UBE3D: variants seen among roughly 807,000 people sequenced by gnomAD.
The protein encoded by UBE3D is ubiquitin protein ligase E3D.
Under a neutral mutation model 49.6 loss-of-function variants are expected in UBE3D, and 48 were observed. The ratio of observed to expected loss-of-function variants is 0.97; its 90% CI spans 0.77 to 1.23. The LOEUF (loss-of-function observed/expected upper bound fraction) is 1.23, where lower values mean the gene tolerates loss of function less well. Ranked by LOEUF, UBE3D falls within the 50% of genes most tolerant of loss-of-function variation. The pLI, the probability that UBE3D is intolerant of heterozygous loss-of-function variation, is 0.00. For missense variants in UBE3D, 452 were observed against 468.4 expected, an observed-to-expected ratio of 0.96 and a Z score of 0.32; for synonymous variants, 189 against 174.2, an observed-to-expected ratio of 1.08 and a Z score of -0.67.
At chr6:82,927,500 C>A (rs981796064) in intron 9 of UBE3D, among the ~76,000 whole-genome samples, 5 of 152,056 alleles carry the variant, frequency 3.3e-5, no homozygotes, top group Non-Finnish European at 7.4e-5. Flanking sequence ...TTTCCATGAA[C>A]ACGGAATATC....
intron 5 of UBE3D, chr6:83,032,458 C>T: frequency 5.7e-6 from 2 of 350,688 alleles, no homozygotes; most frequent in African/African-American, 2.1e-5. Context: ...ATGCCTGTAC[C>T]CCCATTGTAT....
intron 8 of UBE3D, among the ~76,000 whole-genome samples, chr6:82,998,434 G>C (rs566394160): frequency 6.6e-6 from 1 of 152,270 alleles, no homozygotes; most frequent in South Asian, 2.1e-4. Flanking sequence ...AGACACTAAA[G>C]ATTACGCACC....
Position 82,967,984 on chromosome 6 carries a change from A to G in UBE3D, c.1011-10534T>C, listed in dbSNP as rs547849176. ...AACTGAGTAAATTTCCATGGAATAT[A>G]ATCACAGTTGTTTATCCATTCATCT... On this transcript the variant is annotated intron_variant, in intron 8 of 9. Coordinates refer to ENST00000369747, the MANE Select transcript of UBE3D (RefSeq NM_198920.3). Among the ~76,000 whole-genome samples, 7 of 152,262 alleles carry G rather than the reference A, an allele frequency of 4.6e-5. No individual in the cohort carries two copies. The South Asian group carries it at 1.5e-3, about 32-fold the overall frequency.
At chr6:82,953,544 C>A (rs1023968478) in intron 9 of UBE3D, among the ~76,000 whole-genome samples, 2 of 152,172 alleles carry the variant, frequency 1.3e-5, no homozygotes, top group African/African-American at 4.8e-5. Context: ...CTCTGTGTAA[C>A]CCAGCTCAGT....
At chr6:82,935,920 T>C (rs758732068) in intron 9 of UBE3D, among the ~76,000 whole-genome samples, 3 of 151,066 alleles carry the variant, frequency 2.0e-5, no homozygotes, top group East Asian at 1.9e-4. Flanking sequence ...GGAAGTGAGA[T>C]GCAAGAAAAA....
chr6:83,061,906 A>G (rs1343743854), intron 1 of UBE3D, among the ~76,000 whole-genome samples: 4 of 151,950 alleles, frequency 2.6e-5, no homozygotes, highest in Non-Finnish European at 5.9e-5. Flanking sequence ...ACCCTTTCAT[A>G]CTCACTTTCT....
At chr6:83,027,508 G>GT (rs1236022405) in intron 5 of UBE3D, among the ~76,000 whole-genome samples, 3 of 134,494 alleles carry the variant, frequency 2.2e-5, no homozygotes, top group African/African-American at 8.2e-5. Flanking sequence ...GTTTGTGTTT[G>GT]TCAGAAAACA....
chr6:82,950,898 A>T (rs1264839419), intron 9 of UBE3D, among the ~76,000 whole-genome samples: 1 of 152,132 alleles, frequency 6.6e-6, no homozygotes, highest in East Asian at 1.9e-4. Context: ...TGGGATCTAA[A>T]CATTAAAACA....
chr6:82,889,765 A>T (rs1770948260), downstream of UBE3D, among the ~76,000 whole-genome samples: 4 of 152,052 alleles, frequency 2.6e-5, no homozygotes, highest in South Asian at 8.3e-4. Flanking sequence ...GATGCGGGCA[A>T]GGACTTTGTC....
intron 8 of UBE3D, 133 bp from the exon 9 acceptor site, chr6:82,957,583 A>C: frequency 1.8e-6 from 2 of 1,122,180 alleles, no homozygotes; most frequent in Non-Finnish European, 2.5e-6. Flanking sequence ...CTATATTAAA[A>C]ATTCACAGAG....
intron 8 of UBE3D, among the ~76,000 whole-genome samples, chr6:82,985,934 A>G (rs1461460674): frequency 2.0e-5 from 3 of 152,070 alleles, no homozygotes; most frequent in Non-Finnish European, 2.9e-5. Context: ...ATACATTTTA[A>G]TATTAATATC....
At chr6:82,987,378 T>G (rs1307712298) in intron 8 of UBE3D, among the ~76,000 whole-genome samples, 1 of 152,174 alleles carries the variant, frequency 6.6e-6, no homozygotes, top group Non-Finnish European at 1.5e-5. Flanking sequence ...CTTTTGGATT[T>G]TCTTGATACA....
chr6:83,023,145 A>G (rs1781221504), intron 6 of UBE3D, among the ~76,000 whole-genome samples: 1 of 152,230 alleles, frequency 6.6e-6, no homozygotes, highest in African/African-American at 2.4e-5. Context: ...AAACACTAAT[A>G]GATTTAGTGA....
At chr6:82,940,980 A>C (rs1404220125) in intron 9 of UBE3D, among the ~76,000 whole-genome samples, 1 of 152,186 alleles carries the variant, frequency 6.6e-6, no homozygotes, top group African/African-American at 2.4e-5. Context: ...TGGGAGGCCG[A>C]GGCAGGTGGA....
At chr6:82,951,739 T>C (rs1208778907) in intron 9 of UBE3D, among the ~76,000 whole-genome samples, 1 of 152,176 alleles carries the variant, frequency 6.6e-6, no homozygotes, top group Non-Finnish European at 1.5e-5. Context: ...CTTGATTCAG[T>C]GTGTACCAAG....
At chr6:82,994,036 G>T (rs950422) in intron 8 of UBE3D, among the ~76,000 whole-genome samples, 1 of 151,986 alleles carries the variant, frequency 6.6e-6, no homozygotes, top group Admixed American at 6.6e-5. Flanking sequence ...GAAAAATGAT[G>T]GAAATAACAC....
At chr6:83,039,632 T>C (rs1782509585) in intron 4 of UBE3D, among the ~76,000 whole-genome samples, 1 of 152,104 alleles carries the variant, frequency 6.6e-6, no homozygotes, top group Non-Finnish European at 1.5e-5. Flanking sequence ...TGTTTTGTTT[T>C]TTTTTGTTTT....
intron 9 of UBE3D, among the ~76,000 whole-genome samples, chr6:82,904,916 A>G (rs1450853588): frequency 1.3e-5 from 2 of 152,182 alleles, no homozygotes; most frequent in African/African-American, 2.4e-5. Flanking sequence ...GTAAAATATC[A>G]CCTGGTCCTT....
downstream of UBE3D, among the ~76,000 whole-genome samples, chr6:82,889,416 T>C (rs562914343): frequency 2.0e-5 from 3 of 152,342 alleles, no homozygotes; most frequent in African/African-American, 7.2e-5. Flanking sequence ...GGATTCTTTT[T>C]TCTGGTATCT....
Sources: gnomAD v4.1 joint callset for allele counts (sites outside exome capture counted in the v4.1 genomes callset) on GRCh38, gnomAD v4.1.1 for gene constraint, MANE v1.5 for transcripts, NCBI Gene and HGNC (gene_info 2026-07-23, HGNC 2026-07-21) for gene names.